OBSL1: variants seen among roughly 807,000 people sequenced by gnomAD.
The protein encoded by OBSL1 is obscurin like cytoskeletal adaptor 1.
OBSL1 carries 160 observed loss-of-function variants against 172.0 expected under a neutral mutation model. That is an observed-to-expected ratio of 0.93 (90% CI 0.82 to 1.06). OBSL1 has a LOEUF of 1.06. Ranked by LOEUF, OBSL1 falls within the 50% of genes least tolerant of loss-of-function variation. OBSL1 has a pLI of 0.00. For missense variants in OBSL1, 2,681 were observed against 2,715.4 expected, an observed-to-expected ratio of 0.99 and a Z score of 0.28; for synonymous variants, 1,200 against 1,196.3, an observed-to-expected ratio of 1.00 and a Z score of -0.06.
intron 3 of OBSL1, 66 bp from the exon 4 acceptor site, chr2:219,567,641 TACTTC>T: frequency 1.9e-6 from 3 of 1,589,604 alleles, no homozygotes; most frequent in Non-Finnish European, 2.6e-6. Context: ...ACCTTAAATC[TACTTC>T]ACCAACCCAG....
chr2:219,555,959 A>C, intron 14 of OBSL1, 61 bp downstream of exon 14: 1 of 1,578,738 alleles, frequency 6.3e-7, no homozygotes, highest in Non-Finnish European at 8.6e-7. Flanking sequence ...GGACTCCAGG[A>C]CAGCCAGAAA....
rs1036775822 is a variant in OBSL1 at position 219,568,396 on chromosome 2, G to A, written c.1013-72C>T. 7 of 1,395,984 alleles carry A rather than the reference G, an allele frequency of 5.0e-6. No homozygotes were observed. In the African/African-American group the frequency reaches 8.6e-5, roughly 17 times the overall value. 86.5% of individuals were successfully genotyped at this position (1,395,984 alleles called of 1,614,324 possible). A position where few individuals can be genotyped will look rare whatever the true frequency, so the allele number is the denominator to read the frequency against. ...CAGACTAGGAGTAGGATACCTAGAAGCGCATTAGCTCATGCTGTGTGCTCT... is the reference window on the plus strand; with the variant it reads ...CAGACTAGGAGTAGGATACCTAGAAACGCATTAGCTCATGCTGTGTGCTCT... On this transcript the variant is annotated intron_variant, in intron 1 of 20. Transcript: ENST00000404537. The surrounding 1 kb of genome is among the most constrained non-coding windows in gnomAD (Gnocchi z 4.1).
Position 219,558,124 on chromosome 2 carries a change from GA to G in OBSL1, c.3503-15del. 6.2e-7 allele frequency: 1 copy of G among 1,612,822 alleles called. No homozygotes were observed. The highest frequency in any genetic ancestry group is 8.5e-7 in the Non-Finnish European group (1 of 1,179,368). Reference sequence around the variant, plus strand: ...GCACTGGAGGCTCTGGAGAAGAGAGGAAGGTGTCATCCCATGCTTGCCCTTG... The same window carrying G: ...GCACTGGAGGCTCTGGAGAAGAGAGGAGGTGTCATCCCATGCTTGCCCTTG... On this transcript the variant is annotated splice_polypyrimidine_tract_variant and intron_variant, in intron 10 of 20. Coordinates refer to ENST00000404537, the MANE Select transcript of OBSL1 (RefSeq NM_015311.3).
At chr2:219,550,011 T>C, downstream of OBSL1, 5 of 1,060,764 alleles carry the variant, frequency 4.7e-6, no homozygotes, top group Admixed American at 2.8e-5. Flanking sequence ...AGGCGAGTCT[T>C]GGCCTGAGAG....
In OBSL1 at chr2:219,570,510, G is replaced by T; in HGVS notation, c.723C>A (p.Pro241=). ...ACTTGAGCGGCTCCACCACCGGCGCGGGGGCCTCGTCGGGGTCCGCGGGCG... is the reference window on the plus strand; with the variant it reads ...ACTTGAGCGGCTCCACCACCGGCGCTGGGGCCTCGTCGGGGTCCGCGGGCG... ...ESPPADPDEA[P]APVVEPLKCA... is the part of the protein sequence containing the mutation. Residue 241 remains proline, a synonymous_variant, in exon 1 of 21, where the codon CCC becomes CCA. Coordinates refer to ENST00000404537, the MANE Select transcript of OBSL1 (RefSeq NM_015311.3). 6.2e-7 allele frequency: 1 copy of T among 1,611,042 alleles called. No homozygotes were observed. The highest frequency in any genetic ancestry group is 2.2e-5 in the East Asian group (1 of 44,768).
intron 7 of OBSL1, 101 bp from the exon 8 acceptor site, chr2:219,562,775 G>T: frequency 7.6e-7 from 1 of 1,308,504 alleles, no homozygotes; most frequent in African/African-American, 1.5e-5. Flanking sequence ...GCCATGTGTT[G>T]AAGAGGGACC....
downstream of OBSL1, chr2:219,549,367 A>G (rs1389129591): frequency 1.9e-6 from 3 of 1,602,086 alleles, no homozygotes; most frequent in South Asian, 2.2e-5. Flanking sequence ...GAGCTCCCTG[A>G]GCCCATCCAG....
chr2:219,565,202 A>C (rs1696792303), intron 6 of OBSL1, 40 bp downstream of exon 6: 1 of 1,562,984 alleles, frequency 6.4e-7, no homozygotes, highest in Non-Finnish European at 8.7e-7. Context: ...CCCCACAATC[A>C]GCCTTGGCTG....
At chr2:219,549,117 T>G (rs754281283), downstream of OBSL1, 1 of 1,611,778 alleles carries the variant, frequency 6.2e-7, no homozygotes, top group East Asian at 2.2e-5. Context: ...AGGCGCACCG[T>G]CCTCTGAGCT....
intron 8 of OBSL1, among the ~76,000 whole-genome samples, chr2:219,561,119 C>T (rs549332808): frequency 6.6e-6 from 1 of 152,196 alleles, no homozygotes; most frequent in South Asian, 2.1e-4. Flanking sequence ...GCATTGTGGG[C>T]TTGTGTGTGT....
chr2:219,565,640 C>A (rs1415263500), intron 5 of OBSL1, 126 bp from the exon 6 acceptor site: 1 of 861,248 alleles, frequency 1.2e-6, no homozygotes, highest in South Asian at 1.7e-5. Context: ...CCACACCAAC[C>A]CTTAAGAGCA....
Position 219,562,405 on chromosome 2 carries a change from T to G in OBSL1, c.2950A>C (p.Thr984Pro), listed in dbSNP as rs1289923386. ...GGGAGCTGGGCTGGGCCCACACCTG[T>G]GACGGTGACAGTGAAGGAGGCCGAC... ...DESASFTVTV[T>P]EPPVRIIYPR... The change falls in exon 8 of 21, where the codon ACA (threonine) becomes CCA (proline). Residue 984 changes from threonine to proline, a missense_variant. Physicochemically the swap from Thr to Pro is conservative, Grantham distance 38 (BLOSUM62 -1). Coordinates refer to ENST00000404537, the MANE Select transcript of OBSL1 (RefSeq NM_015311.3). The G allele has an allele frequency of 1.9e-6, 3 of 1,613,128 alleles. No homozygotes were observed. Among genetic ancestry groups the G allele is most frequent in the African/African-American group, 1.3e-5 (1 of 74,920 alleles).
At chr2:219,559,044 A>G (rs1278101880) in intron 9 of OBSL1, 181 bp downstream of exon 9, 5 of 580,976 alleles carry the variant, frequency 8.6e-6, no homozygotes, top group Admixed American at 3.1e-5. Context: ...ATTGCTGGGC[A>G]CCCTCCCACC....
intron 20 of OBSL1, chr2:219,551,170 G>A (rs145566061): frequency 2.2e-6 from 3 of 1,392,508 alleles, no homozygotes; most frequent in East Asian, 5.4e-5. Flanking sequence ...GGGCAGGAAG[G>A]AGGAGGGACA....
At chr2:219,559,006 C>T (rs1696254545) in intron 9 of OBSL1, 8 of 555,524 alleles carry the variant, frequency 1.4e-5, no homozygotes, top group South Asian at 1.1e-4. Context: ...GAGTATTGAA[C>T]GAATGGATGA....
At chr2:219,554,063 G>T (rs924299283) in intron 15 of OBSL1, among the ~76,000 whole-genome samples, 1 of 152,216 alleles carries the variant, frequency 6.6e-6, no homozygotes, top group African/African-American at 2.4e-5. Flanking sequence ...GATGTCGCCC[G>T]TAGGCAGTCA....
chr2:219,567,697 C>A, intron 3 of OBSL1, 21 bp downstream of exon 3: 1 of 1,602,146 alleles, frequency 6.2e-7, no homozygotes, highest in Non-Finnish European at 8.5e-7. Context: ...CTCGCCTGTC[C>A]AGAGGCCTTC....
At position 219,570,280 on chromosome 2, in the gene OBSL1, A is replaced by G; in HGVS notation, c.953T>C (p.Val318Ala). 1 of 1,606,880 alleles carries G rather than the reference A, an allele frequency of 6.2e-7. No homozygotes were observed. Among genetic ancestry groups the G allele is most frequent in the South Asian group, 1.1e-5 (1 of 90,798 alleles). The change falls in exon 1 of 21, where the codon GTC (valine) becomes GCC (alanine). Residue 318 changes from valine to alanine, a missense_variant. Around this residue, in one of 5 missense-constraint regions of OBSL1, gnomAD observed 706 missense variants for 695.8 expected, o/e 1.01. Transcript: ENST00000404537. Reference protein sequence around the residue: ...YCQAKDRGLYVCAARNSAGQT... With the variant: ...YCQAKDRGLYACAARNSAGQT... Reference sequence around the variant, plus strand: ...GCCCGCCGAGTTGCGCGCGGCGCAGACGTAGAGCCCACGATCCTTGGCCTG... The same window carrying G: ...GCCCGCCGAGTTGCGCGCGGCGCAGGCGTAGAGCCCACGATCCTTGGCCTG...
In OBSL1 at chr2:219,552,715, G is replaced by A. The variant is rs1695721977; in HGVS notation, c.5147-18C>T. 3 of 1,516,298 alleles carry A rather than the reference G, an allele frequency of 2.0e-6. No homozygotes were observed. Among genetic ancestry groups the A allele is most frequent in the Admixed American group, 4.0e-5 (2 of 50,306 alleles). 93.9% of individuals were successfully genotyped at this position (1,516,298 alleles called of 1,614,324 possible). On this transcript the variant is annotated intron_variant, in intron 17 of 20. Transcript: ENST00000404537. ...AGTACGCTCTGGGGCGGAGCCCGGG[G>A]CGTGAGCGGGGCGGGGCAGAGGGCA...
Sources: allele counts gnomAD v4.1 joint callset (sites outside exome capture counted in the v4.1 genomes callset), GRCh38; gene constraint gnomAD v4.1.1; regional missense constraint gnomAD v4.1.1; non-coding constraint Gnocchi (gnomAD v3.1); transcripts MANE v1.5; gene names NCBI Gene and HGNC (gene_info 2026-07-23, HGNC 2026-07-21).